The following OR11A1 variants were observed in gnomAD, a reference collection of about 807,000 sequenced individuals.
OR11A1 encodes the protein olfactory receptor 11A1.
For synonymous variants in OR11A1, 158 were observed against 152.2 expected, an observed-to-expected ratio of 1.04 and a Z score of -0.28; for missense variants, 380 against 378.2, an observed-to-expected ratio of 1.00 and a Z score of -0.04.
intron 1 of OR11A1, chr6:29,439,499 A>T (rs1279787147): frequency 6.5e-6 from 1 of 153,672 alleles, no homozygotes; most frequent in Non-Finnish European, 1.4e-5. Flanking sequence ...AAGAAGAAAG[A>T]CTAAGTGAAT....
intron 1 of OR11A1, chr6:29,440,247 C>T (rs1784013901): frequency 6.2e-7 from 1 of 1,613,876 alleles, no homozygotes; most frequent in African/African-American, 1.3e-5. Flanking sequence ...TGTCACGGTC[C>T]CCCTGCTACT....
chr6:29,452,194 G>T (rs533678473), intron 1 of OR11A1, among the ~76,000 whole-genome samples: 3 of 152,264 alleles, frequency 2.0e-5, no homozygotes, highest in South Asian at 4.2e-4. Context: ...AGAATGGCAG[G>T]ATGGTGAGGG....
In OR11A1 at chr6:29,427,059, C is replaced by T; in HGVS notation, c.583G>A (p.Val195Met). 1 of 1,612,330 alleles carries T rather than the reference C, an allele frequency of 6.2e-7. No individual in the cohort carries two copies. The highest frequency in any genetic ancestry group is 8.5e-7 in the Non-Finnish European group (1 of 1,180,004). ...FVGLACSDPR[V>M]AQVTTLILSV... ...AGAATGAGAGTTGTCACCTGAGCCA[C>T]TCTGGGATCCGAGCAAGCCAGGCCC... Residue 195 changes from valine (V) to methionine (M), a missense_variant, in exon 5 of 5, where the codon GTG becomes ATG. Physicochemically the swap from Val to Met is conservative, Grantham distance 21. Coordinates refer to ENST00000377149, the MANE Select transcript of OR11A1 (RefSeq NM_001394828.1).
intron 1 of OR11A1, 89 bp from the exon 2 acceptor site, chr6:29,432,076 T>C (rs772838328): frequency 2.2e-4 from 190 of 864,740 alleles, no homozygotes; most frequent in Non-Finnish European, 2.6e-4. Flanking sequence ...CATCCCCTTT[T>C]CTAGCTCTCA....
chr6:29,453,132 A>T lies in OR11A1; in HGVS notation c.-389+3855T>A, dbSNP rs1785617478. 6.7e-6 allele frequency among the ~76,000 whole-genome samples: 1 copy of T among 150,216 alleles called. No homozygotes were observed. Among genetic ancestry groups the T allele is most frequent in the Non-Finnish European group, 1.5e-5 (1 of 67,562 alleles). On this transcript the variant is annotated intron_variant, in intron 1 of 4. Transcript: ENST00000377149. This position sits in a 1 kb window ranked among gnomAD's most constrained non-coding sequence, Gnocchi z 4.5. ...TGCACTTTAAATATAAAGACAGCTT[A>T]ATCATAAATACACTTATAGATTAAA...
chr6:29,435,148 G>A lies in OR11A1; in HGVS notation c.-388-3161C>T, dbSNP rs115873808. ...CTTGCTTAGAAAAAGCAGGTACAGG[G>A]GACAGTGGTTGCTGTTCCCACAGCC... On this transcript the variant is annotated intron_variant, in intron 1 of 4. Coordinates refer to ENST00000377149, the MANE Select transcript of OR11A1 (RefSeq NM_001394828.1). 6.6e-3 allele frequency among the ~76,000 whole-genome samples: 1,006 copies of A among 152,300 alleles called. 8 individuals are homozygous for A. Among genetic ancestry groups the A allele is most frequent in the Middle Eastern group, 0.01 (3 of 294 alleles).
intron 4 of OR11A1, 29 bp from the exon 5 acceptor site, chr6:29,427,761 A>C: frequency 7.0e-7 from 1 of 1,427,658 alleles, no homozygotes; most frequent in South Asian, 1.6e-5. Flanking sequence ...AAAAAGACAA[A>C]AATGAGTCTC....
rs1172313538 is a variant in OR11A1 at position 29,426,060 on chromosome 6, A to T, written c.*634T>A. On this transcript the variant is annotated 3_prime_UTR_variant, in exon 5 of 5. Transcript: ENST00000377149. ...ACCAGATTACAAACTCCATGATCCA[A>T]CTTGTATGTATAAATATAAATACAC... The T allele has an allele frequency of 6.6e-6, 1 of 152,464 alleles. No individual in the cohort carries two copies. The highest frequency in any genetic ancestry group is 2.4e-5 in the African/African-American group (1 of 41,460). 9.4% of individuals were successfully genotyped at this position (152,464 alleles called of 1,614,324 possible).
intron 2 of OR11A1, among the ~76,000 whole-genome samples, chr6:29,431,562 G>C (rs1783231685): frequency 6.6e-6 from 1 of 152,038 alleles, no homozygotes; most frequent in Admixed American, 6.6e-5. Context: ...TGGGGAGCAT[G>C]AATATCTACT....
At chr6:29,437,493 A>T (rs1471319699) in intron 1 of OR11A1, among the ~76,000 whole-genome samples, 2 of 147,216 alleles carry the variant, frequency 1.4e-5, no homozygotes, top group South Asian at 2.1e-4. Context: ...TCTTTTTTAT[A>T]GTTGTTTTTA....
intron 4 of OR11A1, among the ~76,000 whole-genome samples, 174 bp downstream of exon 4, chr6:29,428,739 A>G (rs1783042830): frequency 7.6e-6 from 1 of 132,364 alleles, no homozygotes; most frequent in Non-Finnish European, 1.6e-5. Flanking sequence ...CCTGGGCAAT[A>G]GAACGAAACT....
intron 1 of OR11A1, among the ~76,000 whole-genome samples, chr6:29,450,764 G>A (rs1349154780): frequency 1.3e-5 from 2 of 152,080 alleles, no homozygotes; most frequent in East Asian, 3.8e-4. Context: ...GGAAGAATCC[G>A]TATTATCCAA....
At chr6:29,448,913 T>C (rs1300375359) in intron 1 of OR11A1, among the ~76,000 whole-genome samples, 1 of 152,244 alleles carries the variant, frequency 6.6e-6, no homozygotes, top group Non-Finnish European at 1.5e-5. Flanking sequence ...GTATTTTTAA[T>C]GACTGGTGAC....
intron 1 of OR11A1, among the ~76,000 whole-genome samples, chr6:29,456,379 G>A (rs1368686166): frequency 2.6e-5 from 4 of 150,980 alleles, no homozygotes; most frequent in Middle Eastern, 3.4e-3. Context: ...GCGTGGTGGC[G>A]GGCGCCTGTA....
intron 1 of OR11A1, among the ~76,000 whole-genome samples, chr6:29,456,651 G>A (rs1239745669): frequency 6.6e-6 from 1 of 152,032 alleles, no homozygotes; most frequent in African/African-American, 2.4e-5. Context: ...ATACACAAAA[G>A]ACTTGTACAT....
chr6:29,434,763 A>C (rs1446194208), intron 1 of OR11A1, among the ~76,000 whole-genome samples: 1 of 152,212 alleles, frequency 6.6e-6, no homozygotes, highest in East Asian at 1.9e-4. Flanking sequence ...ATCTGTGGGG[A>C]GTAGATGTTT....
In OR11A1 at chr6:29,447,981, A is replaced by G. The variant is rs1010286817; in HGVS notation, c.-389+9006T>C. ...ATAGCACTCTACTGGTCATCAAAAA[A>G]GATCCAAAAGTGATCAACATGACCC... On this transcript the variant is annotated intron_variant, in intron 1 of 4. Transcript: ENST00000377149. 4.6e-5 allele frequency among the ~76,000 whole-genome samples: 7 copies of G among 151,420 alleles called. No individual in the cohort carries two copies. The South Asian group carries it at 1.5e-3, about 32-fold the overall frequency.
intron 1 of OR11A1, among the ~76,000 whole-genome samples, chr6:29,433,903 G>A (rs961239173): frequency 6.6e-6 from 1 of 151,996 alleles, no homozygotes; most frequent in Non-Finnish European, 1.5e-5. Context: ...AATTTAATTT[G>A]TATTTCCCTG....
intron 1 of OR11A1, among the ~76,000 whole-genome samples, chr6:29,448,010 CTTTTTTTTTTTTT>C (rs9280602): frequency 1.3e-5 from 1 of 79,934 alleles, no homozygotes; most frequent in Admixed American, 1.8e-4. Flanking sequence ...ATGACCCTTT[CTTTTTTTTTTTTT>C]TTTTTTTTTT....
Sources: gnomAD v4.1 joint callset for allele counts (sites outside exome capture counted in the v4.1 genomes callset) on GRCh38, gnomAD v4.1.1 for gene constraint, Gnocchi (gnomAD v3.1) non-coding constraint, MANE v1.5 for transcripts, NCBI Gene and HGNC (gene_info 2026-07-23, HGNC 2026-07-21) for gene names.